CCSER1: variants seen among roughly 807,000 people sequenced by gnomAD.
The protein encoded by CCSER1 is coiled-coil serine rich protein 1.
Under a neutral mutation model 82.0 loss-of-function variants are expected in CCSER1, and 41 were observed. The ratio of observed to expected loss-of-function variants is 0.50; its 90% CI spans 0.39 to 0.65. The LOEUF is 0.65. CCSER1 is among the 30% of genes least tolerant of loss of function. CCSER1 has a pLI of 0.00. For synonymous variants in CCSER1, 414 were observed against 383.9 expected (o/e 1.08, Z -0.92); for missense variants, 1,119 against 1,064.2 (o/e 1.05, Z -0.72).
chr4:91,071,425 T>C (rs2148768333), intron 9 of CCSER1, among the ~76,000 whole-genome samples: 1 of 152,276 alleles, frequency 6.6e-6, no homozygotes, highest in African/African-American at 2.4e-5. Flanking sequence ...GAGTTGGCTA[T>C]GCAGATATCT....
intron 1 of CCSER1, among the ~76,000 whole-genome samples, chr4:90,143,004 A>G (rs1683592347): frequency 6.6e-6 from 1 of 152,196 alleles, no homozygotes; most frequent in Admixed American, 6.5e-5. Flanking sequence ...TTTTTATTTA[A>G]TATCCACTAT....
intron 10 of CCSER1, among the ~76,000 whole-genome samples, chr4:91,585,314 T>C (rs1763935802): frequency 6.6e-6 from 1 of 151,476 alleles, no homozygotes; most frequent in African/African-American, 2.4e-5. Flanking sequence ...GCCCCATATA[T>C]GATCCTTCTC....
intron 9 of CCSER1, among the ~76,000 whole-genome samples, chr4:90,984,206 A>C (rs1736378636): frequency 6.6e-6 from 1 of 151,808 alleles, no homozygotes; most frequent in African/African-American, 2.4e-5. Flanking sequence ...TTTGTCCTTA[A>C]AGGTGCGTTG....
chr4:90,195,031 T>C (rs1736337427), intron 1 of CCSER1, among the ~76,000 whole-genome samples: 1 of 152,088 alleles, frequency 6.6e-6, no homozygotes, highest in Admixed American at 6.6e-5. Flanking sequence ...AATAAATTAA[T>C]GAATTATCTC....
intron 8 of CCSER1, among the ~76,000 whole-genome samples, chr4:90,849,617 GTC>G (rs1561244281): frequency 1.3e-5 from 2 of 151,680 alleles, no homozygotes; most frequent in African/African-American, 4.8e-5. Context: ...GTGAAACTCC[GTC>G]TCTACTAAAA....
intron 5 of CCSER1, among the ~76,000 whole-genome samples, chr4:90,616,719 A>C (rs1364504450): frequency 4.1e-5 from 5 of 122,104 alleles, no homozygotes; most frequent in Non-Finnish European, 5.1e-5. Flanking sequence ...ACACACACAC[A>C]CACACACACA....
Position 90,793,084 on chromosome 4 carries a change from T to C in CCSER1, c.2011-22678T>C, listed in dbSNP as rs139283169. On this transcript the variant is annotated intron_variant, in intron 7 of 10. Transcript: ENST00000509176. ...TGTGTTACACACTTCTAGAAGGTAA[T>C]GGAGATGTGTTTGATGTCTTTGAAT... 1.6e-3 allele frequency among the ~76,000 whole-genome samples: 239 copies of C among 152,300 alleles called. 1 individual carries two copies. The highest frequency in any genetic ancestry group is 5.6e-3 in the African/African-American group (232 of 41,552).
At chr4:90,918,114 A>G (rs936962582) in intron 8 of CCSER1, 3 of 235,278 alleles carry the variant, frequency 1.3e-5, no homozygotes, top group South Asian at 9.7e-5. Context: ...CTCAAGGTAC[A>G]TATTCAGTAA....
At chr4:91,400,703 C>G (rs1366268616) in intron 10 of CCSER1, among the ~76,000 whole-genome samples, 1 of 151,250 alleles carries the variant, frequency 6.6e-6, no homozygotes, top group Non-Finnish European at 1.5e-5. Context: ...GTATAATTAT[C>G]ATCTGTATAG....
At chr4:91,214,819 GTTAA>G (rs1426619199) in intron 10 of CCSER1, among the ~76,000 whole-genome samples, 2 of 152,048 alleles carry the variant, frequency 1.3e-5, no homozygotes, top group African/African-American at 2.4e-5. Context: ...TTTTAAAATT[GTTAA>G]TTAAATTTCA....
intron 9 of CCSER1, chr4:91,017,341 A>G (rs968969947): frequency 6.6e-6 from 1 of 152,212 alleles, no homozygotes; most frequent in Non-Finnish European, 1.5e-5. Flanking sequence ...GACATTGTAC[A>G]TTAAACCTTG....
chr4:91,120,778 A>G (rs928446989), intron 10 of CCSER1, among the ~76,000 whole-genome samples: 11 of 152,040 alleles, frequency 7.2e-5, no homozygotes, highest in African/African-American at 2.2e-4. Context: ...GGCTATGTTT[A>G]TAAGTCCGAG....
In CCSER1 at chr4:90,815,796, T is replaced by G. The variant is rs1758935285; in HGVS notation, c.2045T>G (p.Leu682Arg). 6.4e-7 allele frequency: 1 copy of G among 1,551,170 alleles called. No individual in the cohort carries two copies. The highest frequency in any genetic ancestry group is 8.7e-7 in the Non-Finnish European group (1 of 1,146,818). The change falls in exon 8 of 11, where the codon CTG becomes CGG. Residue 682 changes from leucine to arginine, a missense_variant. By Grantham distance (102) the Leu-to-Arg change is moderately radical. Transcript: ENST00000509176. The stretch of plus-strand genomic sequence containing the variant: ...AAAGATGAATGCTCGATGCTCAAGC[T>G]GCAGCTGAAAGAGAAGGATGAACTC... Reference protein sequence around the residue: ...IMKDECSMLKLQLKEKDELIS... With the variant: ...IMKDECSMLKRQLKEKDELIS...
At chr4:91,393,481 T>G (rs1026179004) in intron 10 of CCSER1, among the ~76,000 whole-genome samples, 3 of 152,206 alleles carry the variant, frequency 2.0e-5, no homozygotes, top group Admixed American at 1.3e-4. Context: ...TTTTGTCGTA[T>G]TATATTTTGC....
At chr4:91,009,589 C>T (rs1418308226) in intron 9 of CCSER1, among the ~76,000 whole-genome samples, 1 of 152,086 alleles carries the variant, frequency 6.6e-6, no homozygotes, top group Non-Finnish European at 1.5e-5. Flanking sequence ...TTATTACTCT[C>T]TTGTTATTTA....
chr4:90,736,111 C>T (rs1745600960), intron 7 of CCSER1, among the ~76,000 whole-genome samples: 1 of 151,938 alleles, frequency 6.6e-6, no homozygotes, highest in Admixed American at 6.6e-5. Context: ...AAGACTTGTT[C>T]TGTGGCCTAA....
chr4:90,774,793 A>G lies in CCSER1; in HGVS notation c.2011-40969A>G, dbSNP rs558623175. Among the ~76,000 whole-genome samples the G allele has an allele frequency of 1.8e-4, 27 of 152,208 alleles. No homozygotes were observed. The South Asian group carries it at 5.6e-3, about 31-fold the overall frequency. ...TGAAACAATTTCCTACAGTAATAAAACTAATTAAAGTAGGCAGTCATCCAC... is the reference window on the plus strand; with the variant it reads ...TGAAACAATTTCCTACAGTAATAAAGCTAATTAAAGTAGGCAGTCATCCAC... On this transcript the variant is annotated intron_variant, in intron 7 of 10. Coordinates refer to ENST00000509176, the MANE Select transcript of CCSER1 (RefSeq NM_001145065.2).
intron 8 of CCSER1, among the ~76,000 whole-genome samples, chr4:90,854,512 G>A (rs1764243079): frequency 6.6e-6 from 1 of 152,092 alleles, no homozygotes; most frequent in South Asian, 2.1e-4. Context: ...ACTGCTTTCA[G>A]GAAATGATTT....
At chr4:90,733,505 C>A (rs62312976) in intron 7 of CCSER1, among the ~76,000 whole-genome samples, 1 of 151,852 alleles carries the variant, frequency 6.6e-6, no homozygotes, top group Non-Finnish European at 1.5e-5. Context: ...TTATTGTTTC[C>A]TTTGTTGTGC....
Sources: gnomAD v4.1 joint callset for allele counts (sites outside exome capture counted in the v4.1 genomes callset) on GRCh38, gnomAD v4.1.1 for gene constraint, MANE v1.5 for transcripts, NCBI Gene and HGNC (gene_info 2026-07-23, HGNC 2026-07-21) for gene names.